ZDHHC11B: variants seen among roughly 807,000 people sequenced by gnomAD.
ZDHHC11B encodes zDHHC palmitoyltransferase 11B (putative), also known as probable palmitoyltransferase ZDHHC11B.
Under a neutral mutation model 42.3 loss-of-function variants are expected in ZDHHC11B, and 17 were observed. That is an observed-to-expected ratio of 0.40 (90% CI 0.27 to 0.60). The LOEUF (loss-of-function observed/expected upper bound fraction) is 0.60. Among genes scored for constraint, ZDHHC11B ranks in the 20% least tolerant of loss-of-function variants. ZDHHC11B has a pLI of 0.41. For missense variants in ZDHHC11B, 262 were observed against 463.2 expected, an observed-to-expected ratio of 0.57 and a Z score of 3.99; for synonymous variants, 123 against 193.5, an observed-to-expected ratio of 0.64 and a Z score of 3.02.
intron 1 of ZDHHC11B, among the ~76,000 whole-genome samples, chr5:784,428 C>A (rs1737103032): frequency 6.6e-6 from 1 of 152,184 alleles, no homozygotes; most frequent in African/African-American, 2.4e-5. Context: ...GACGGTGACC[C>A]CCGCTCGCGG....
intron 6 of ZDHHC11B, among the ~76,000 whole-genome samples, chr5:754,408 A>G (rs201431431): frequency 0.028 from 1,231 of 44,060 alleles, 45 homozygotes; most frequent in African/African-American, 0.1. Context: ...CATGCTCAGG[A>G]GAAACACCTC....
At chr5:767,300 C>A in intron 3 of ZDHHC11B, 92 bp downstream of exon 3, 1 of 1,418,640 alleles carries the variant, frequency 7.0e-7, no homozygotes, top group East Asian at 2.3e-5. Context: ...ATGGCCCTCT[C>A]CCCACCCACA....
At chr5:760,444 C>T (rs1457219167) in intron 4 of ZDHHC11B, among the ~76,000 whole-genome samples, 1 of 151,704 alleles carries the variant, frequency 6.6e-6, no homozygotes, top group East Asian at 1.9e-4. Flanking sequence ...CAGAACCATC[C>T]CCTCCAGCAG....
chr5:724,685 A>G lies in ZDHHC11B; in HGVS notation c.1058+5749T>C, dbSNP rs1163876653. ...GTTACACACACACACACACACACAC[A>G]CACAGACACACAGATGCATACTATT... On this transcript the variant is annotated intron_variant, in intron 12 of 13. Coordinates refer to ENST00000508859, the MANE Select transcript of ZDHHC11B (RefSeq NM_001351303.2). 4.5e-4 allele frequency among the ~76,000 whole-genome samples: 67 copies of G among 149,828 alleles called. No individual in the cohort carries two copies. In the East Asian group the frequency reaches 0.013, roughly 29 times the overall value.
chr5:783,316 C>T (rs1285800182), intron 1 of ZDHHC11B, among the ~76,000 whole-genome samples: 1 of 152,288 alleles, frequency 6.6e-6, no homozygotes, highest in Non-Finnish European at 1.5e-5. Flanking sequence ...CAGTTCAAGG[C>T]GCCGGCATCA....
intron 6 of ZDHHC11B, among the ~76,000 whole-genome samples, chr5:752,024 C>T (rs1399519703): frequency 4.9e-5 from 6 of 122,912 alleles, no homozygotes; most frequent in South Asian, 3.6e-4. Context: ...CCGCACCTCC[C>T]GACTCCACCT....
chr5:744,324 G>C lies in ZDHHC11B; in HGVS notation c.900+859C>G, dbSNP rs1217670089. 4.1e-4 allele frequency among the ~76,000 whole-genome samples: 62 copies of C among 149,712 alleles called. 1 individual carries two copies. Among genetic ancestry groups the C allele is most frequent in the African/African-American group, 1.3e-3 (54 of 40,838 alleles). ...GGTTGATAGTGGCATTGCTGAATGA[G>C]TTGGGAAGTGTTGCTTCCTTCTCTG... On this transcript the variant is annotated intron_variant, in intron 9 of 13. Transcript: ENST00000508859.
At chr5:721,563 A>T (rs1345336141) in intron 12 of ZDHHC11B, among the ~76,000 whole-genome samples, 3 of 151,282 alleles carry the variant, frequency 2.0e-5, no homozygotes, top group Non-Finnish European at 4.4e-5. Context: ...AGGAGCGAGG[A>T]TGGGGGTGGG....
At chr5:777,220 C>G (rs1040492482) in intron 1 of ZDHHC11B, among the ~76,000 whole-genome samples, 4 of 151,880 alleles carry the variant, frequency 2.6e-5, no homozygotes, top group Non-Finnish European at 4.4e-5. Context: ...GCCGCGGACT[C>G]TCGCAGTGAG....
intron 4 of ZDHHC11B, among the ~76,000 whole-genome samples, chr5:760,252 AC>A (rs1301400730): frequency 6.6e-6 from 1 of 151,840 alleles, no homozygotes; most frequent in African/African-American, 2.4e-5. Context: ...AACCCGCAGC[AC>A]CCGTGGATGT....
chr5:718,569 G>A (rs1201620782), intron 12 of ZDHHC11B, among the ~76,000 whole-genome samples: 28 of 151,568 alleles, frequency 1.8e-4, no homozygotes, highest in African/African-American at 6.6e-4. Flanking sequence ...GGTGGTGAGT[G>A]CCTGTAGTCC....
chr5:732,942 G>A lies in ZDHHC11B; in HGVS notation c.1023+810C>T, dbSNP rs1407263799. Among the ~76,000 whole-genome samples the A allele has an allele frequency of 4.6e-5, 7 of 151,722 alleles. No individual in the cohort carries two copies. The East Asian group carries it at 5.8e-4, about 13-fold the overall frequency. ...TGTGGTGGCACACACCTGTACTTTC[G>A]GCTATTCGGGAGGCTGAGGTGGGAC... On this transcript the variant is annotated intron_variant, in intron 11 of 13. Coordinates refer to ENST00000508859, the MANE Select transcript of ZDHHC11B (RefSeq NM_001351303.2).
chr5:780,464 A>G (rs1403298060), intron 1 of ZDHHC11B, among the ~76,000 whole-genome samples: 30 of 151,008 alleles, frequency 2.0e-4, no homozygotes, highest in Middle Eastern at 3.4e-3. Context: ...CGCGCACACT[A>G]TTGATCCACG....
chr5:736,932 C>A (rs1169858438), intron 10 of ZDHHC11B, among the ~76,000 whole-genome samples: 20 of 130,280 alleles, frequency 1.5e-4, no homozygotes, highest in African/African-American at 5.7e-4. Context: ...CGAATCAAAC[C>A]CAAACCCAAC....
intron 11 of ZDHHC11B, 78 bp from the exon 12 acceptor site, chr5:730,546 C>A: frequency 7.0e-7 from 1 of 1,434,634 alleles, no homozygotes; most frequent in African/African-American, 1.5e-5. Flanking sequence ...AAACAAAATT[C>A]AAGTTCATTA....
chr5:728,516 A>C (rs1434523183), intron 12 of ZDHHC11B, among the ~76,000 whole-genome samples: 2 of 151,926 alleles, frequency 1.3e-5, no homozygotes, highest in African/African-American at 4.8e-5. Context: ...TATGCACATC[A>C]TGAGAGGGTG....
intron 4 of ZDHHC11B, among the ~76,000 whole-genome samples, chr5:757,298 C>T (rs1363541849): frequency 2.6e-5 from 4 of 151,898 alleles, no homozygotes; most frequent in African/African-American, 9.7e-5. Flanking sequence ...CAGCGCTGTC[C>T]TCCTTGGCCC....
chr5:732,676 G>A (rs1743109139), intron 11 of ZDHHC11B: 4 of 449,160 alleles, frequency 8.9e-6, no homozygotes, highest in Non-Finnish European at 1.8e-5. Flanking sequence ...TGCCCCCACA[G>A]GGAAGGACAA....
chr5:766,990 A>G, intron 3 of ZDHHC11B, 71 bp from the exon 4 acceptor site: 1 of 1,534,864 alleles, frequency 6.5e-7, no homozygotes. Flanking sequence ...ACTGTCAGGG[A>G]GACCACGGGG....
Sources: allele counts gnomAD v4.1 joint callset (sites outside exome capture counted in the v4.1 genomes callset), GRCh38; gene constraint gnomAD v4.1.1; transcripts MANE v1.5; gene names NCBI Gene and HGNC (gene_info 2026-07-23, HGNC 2026-07-21).